Variants in WLS observed in about 807,000 individuals in gnomAD.
WLS encodes the protein Wnt ligand secretion mediator.
A neutral mutation model predicts 62.8 loss-of-function variants in WLS; 23 were observed. The ratio of observed to expected loss-of-function variants is 0.37; its 90% CI spans 0.26 to 0.52. The LOEUF (loss-of-function observed/expected upper bound fraction) is 0.52. Ranked by LOEUF, WLS falls within the 20% of genes least tolerant of loss-of-function variation. The pLI is 0.92. For missense variants in WLS, 615 were observed against 697.3 expected, an observed-to-expected ratio of 0.88 and a Z score of 1.33; for synonymous variants, 246 against 244.1, an observed-to-expected ratio of 1.01 and a Z score of -0.07.
In WLS at chr1:68,157,021, T is replaced by C. The variant is rs149505708; in HGVS notation, c.505-1761A>G. On this transcript the variant is annotated intron_variant, in intron 3 of 11. Transcript: ENST00000262348. Reference sequence around the variant, plus strand: ...ACCTACTTAGTCTAATTCCATCTGGTGTGTGTCTCGCCCAGGGTCCCAAAA... The same window carrying C: ...ACCTACTTAGTCTAATTCCATCTGGCGTGTGTCTCGCCCAGGGTCCCAAAA... 8.9e-3 allele frequency among the ~76,000 whole-genome samples: 1,362 copies of C among 152,278 alleles called. 13 individuals are homozygous for C. The highest frequency in any genetic ancestry group is 0.013 in the Non-Finnish European group (873 of 68,022).
Position 68,114,257 on chromosome 1 carries a change from G to A in WLS, c.1511-15504C>T, listed in dbSNP as rs547632397. Among the ~76,000 whole-genome samples the A allele has an allele frequency of 3.3e-5, 5 of 152,262 alleles. 1 individual carries two copies. The highest frequency in any genetic ancestry group is 4.8e-5 in the African/African-American group (2 of 41,550). ...GAAGGCTGGAAAGATAGAGGGACTCGGAGACTGCCAGCTACTGGTTAACTT... is the reference window on the plus strand; with the variant it reads ...GAAGGCTGGAAAGATAGAGGGACTCAGAGACTGCCAGCTACTGGTTAACTT... On this transcript the variant is annotated intron_variant, in intron 11 of 11. Transcript: ENST00000354777.
At chr1:68,200,726 G>A (rs1350356321) in intron 1 of WLS, among the ~76,000 whole-genome samples, 1 of 152,194 alleles carries the variant, frequency 6.6e-6, no homozygotes, top group African/African-American at 2.4e-5. Flanking sequence ...ACTTTGAAAT[G>A]TAGAGAAAAC....
At chr1:68,184,829 A>G (rs955222529) in intron 2 of WLS, among the ~76,000 whole-genome samples, 12 of 152,332 alleles carry the variant, frequency 7.9e-5, no homozygotes, top group East Asian at 7.7e-4. Context: ...CCAAGTATCT[A>G]TGAGTCTCTA....
At chr1:68,180,832 T>A (rs537874860) in intron 2 of WLS, among the ~76,000 whole-genome samples, 12 of 152,288 alleles carry the variant, frequency 7.9e-5, no homozygotes, top group African/African-American at 2.4e-4. Context: ...GAGAGATAGA[T>A]TCACTATGCA....
chr1:68,145,063 A>C (rs1646735112), intron 9 of WLS, among the ~76,000 whole-genome samples: 1 of 152,236 alleles, frequency 6.6e-6, no homozygotes, highest in Non-Finnish European at 1.5e-5. Context: ...GATTTGGTTG[A>C]ATTTTCTCAT....
intron 8 of WLS, among the ~76,000 whole-genome samples, chr1:68,146,468 G>A (rs1381217908): frequency 6.6e-6 from 1 of 152,102 alleles, no homozygotes. Context: ...TAGATATATG[G>A]AATCAGATAT....
chr1:68,159,154 C>T lies in WLS; in HGVS notation c.473G>A (p.Arg158Gln), dbSNP rs370140589. ...AGATGTGAAGGTGCATTTGAGTTTCCGTGGTACTCTTTCATGGGCCATTTC... is the reference window on the plus strand; with the variant it reads ...AGATGTGAAGGTGCATTTGAGTTTCTGTGGTACTCTTTCATGGGCCATTTC... ...WTEMAHERVP[R>Q]KLKCTFTSPK... The change falls in exon 3 of 12, where the codon CGG becomes CAG. Residue 158 changes from arginine to glutamine, a missense_variant. Coordinates refer to ENST00000262348, the MANE Select transcript of WLS (RefSeq NM_024911.7). The T allele has an allele frequency of 7.7e-5, 125 of 1,613,886 alleles. No individual in the cohort carries two copies. The highest frequency in any genetic ancestry group is 9.5e-5 in the Non-Finnish European group (112 of 1,180,002).
chr1:68,172,870 G>A (rs1417352567), intron 2 of WLS, among the ~76,000 whole-genome samples: 2 of 152,186 alleles, frequency 1.3e-5, no homozygotes, highest in Non-Finnish European at 2.9e-5. Flanking sequence ...GAGGGAACAG[G>A]GAAGGCTAGA....
intron 11 of WLS, among the ~76,000 whole-genome samples, chr1:68,129,569 G>A (rs1409951135): frequency 6.6e-6 from 1 of 151,508 alleles, no homozygotes; most frequent in Non-Finnish European, 1.5e-5. Context: ...CCAGATAATG[G>A]GACTCCATGC....
chr1:68,132,776 A>G (rs1471454037), intron 11 of WLS, among the ~76,000 whole-genome samples: 1 of 152,158 alleles, frequency 6.6e-6, no homozygotes, highest in Non-Finnish European at 1.5e-5. Context: ...TATAATCAAA[A>G]GAACACAAAA....
At chr1:68,177,128 T>C (rs527951699) in intron 2 of WLS, among the ~76,000 whole-genome samples, 1 of 152,354 alleles carries the variant, frequency 6.6e-6, no homozygotes, top group Admixed American at 6.5e-5. Context: ...TGTGGGCACA[T>C]TCTCCTAAGG....
chr1:68,211,325 A>G (rs1649505975), intron 1 of WLS, among the ~76,000 whole-genome samples: 1 of 151,934 alleles, frequency 6.6e-6, no homozygotes, highest in African/African-American at 2.4e-5. Context: ...AAGAAAAAAA[A>G]AAAAAAGAGG....
At chr1:68,115,822 T>G (rs1020023495) in intron 11 of WLS, among the ~76,000 whole-genome samples, 2 of 152,238 alleles carry the variant, frequency 1.3e-5, no homozygotes, top group African/African-American at 4.8e-5. Context: ...TAATTTTTTT[T>G]TGTTTTAAAT....
At chr1:68,171,619 T>C (rs930366657) in intron 2 of WLS, among the ~76,000 whole-genome samples, 1 of 152,174 alleles carries the variant, frequency 6.6e-6, no homozygotes, top group Non-Finnish European at 1.5e-5. Flanking sequence ...TGAGATACCA[T>C]CTCATGCCAG....
At chr1:68,171,558 A>G (rs1325070682) in intron 2 of WLS, among the ~76,000 whole-genome samples, 3 of 152,252 alleles carry the variant, frequency 2.0e-5, no homozygotes, top group Non-Finnish European at 4.4e-5. Context: ...ACAAACGTGA[A>G]AAAAAGCTCA....
At chr1:68,098,708 A>G (rs1260674195) in exon 12 of WLS, 1 of 1,613,746 alleles carries the variant, frequency 6.2e-7, no homozygotes, top group African/African-American at 1.3e-5. Context: ...AAGTTCCGAA[A>G]CAAACAAAGC....
chr1:68,167,859 T>G (rs1262333026), intron 2 of WLS, among the ~76,000 whole-genome samples: 1 of 152,148 alleles, frequency 6.6e-6, no homozygotes, highest in Non-Finnish European at 1.5e-5. Flanking sequence ...CATCCTGTTA[T>G]GGGGGCAGTT....
intron 9 of WLS, among the ~76,000 whole-genome samples, chr1:68,145,146 C>T (rs1052952411): frequency 6.6e-6 from 1 of 152,174 alleles, no homozygotes; most frequent in Non-Finnish European, 1.5e-5. Flanking sequence ...TTTAAGAGAA[C>T]CTGTGTTTCA....
intron 6 of WLS, 144 bp from the exon 7 acceptor site, chr1:68,148,804 A>T: frequency 2.8e-6 from 2 of 709,124 alleles, no homozygotes; most frequent in Non-Finnish European, 4.7e-6. Flanking sequence ...AGAACAAAGA[A>T]GATGAAAATC....
Sources: allele counts gnomAD v4.1 joint callset (sites outside exome capture counted in the v4.1 genomes callset), GRCh38; gene constraint gnomAD v4.1.1; transcripts MANE v1.5; gene names NCBI Gene and HGNC (gene_info 2026-07-23, HGNC 2026-07-21).